Variants in RERE observed in about 807,000 individuals in gnomAD.
RERE encodes arginine-glutamic acid dipeptide repeats, also known as arginine-glutamic acid dipeptide repeats protein.
RERE carries 40 observed loss-of-function variants against 146.1 expected under a neutral mutation model. The ratio of observed to expected loss-of-function variants is 0.27; its 90% CI spans 0.21 to 0.36. The LOEUF is 0.36. RERE is among the 10% of genes least tolerant of loss of function. The pLI, the probability that RERE is intolerant of heterozygous loss-of-function variation, is 1.00. For synonymous variants in RERE, 1,003 were observed against 866.0 expected (o/e 1.16, Z -2.78); for missense variants, 1,933 against 2,138.7 (o/e 0.90, Z 1.90).
intron 1 of RERE, among the ~76,000 whole-genome samples, chr1:8,789,295 A>ATATATAT (rs1464137830): frequency 1.1e-4 from 8 of 72,494 alleles, no homozygotes; most frequent in East Asian, 3.1e-4. Flanking sequence ...AAAAAAAAAA[A>ATATATAT]AAAAAAATAT....
chr1:8,610,300 G>A (rs531599289), intron 4 of RERE, among the ~76,000 whole-genome samples: 2 of 152,062 alleles, frequency 1.3e-5, no homozygotes, highest in East Asian at 1.9e-4. Flanking sequence ...TAAGAATGAC[G>A]AGAATTTGGG....
chr1:8,500,738 C>T (rs1427712346), intron 8 of RERE, among the ~76,000 whole-genome samples: 3 of 151,614 alleles, frequency 2.0e-5, no homozygotes, highest in East Asian at 1.9e-4. Context: ...CGTCTCTGCC[C>T]GGCCGCCATC....
chr1:8,495,089 C>A lies in RERE; in HGVS notation c.1078G>T (p.Asp360Tyr). Residue 360 changes from aspartate (D) to tyrosine (Y), a missense_variant, in exon 10 of 23, where the codon GAC becomes TAC. Around this residue, in one of 11 missense-constraint regions of RERE, gnomAD observed 260 missense variants for 378.4 expected, o/e 0.69. Coordinates refer to ENST00000400908, the MANE Select transcript of RERE (RefSeq NM_001042681.2). ...EDGCVAASRD[D>Y]TTLNALNTLH... ...GTGTTCAGTGCATTCAGAGTGGTGT[C>A]ATCCCGAGAGGCTGCGACACAGCCG... 6.2e-7 allele frequency: 1 copy of A among 1,613,714 alleles called. No homozygotes were observed. Among genetic ancestry groups the A allele is most frequent in the Non-Finnish European group, 8.5e-7 (1 of 1,179,650 alleles).
At chr1:8,520,838 C>T (rs1244299716) in intron 7 of RERE, among the ~76,000 whole-genome samples, 1 of 150,802 alleles carries the variant, frequency 6.6e-6, no homozygotes, top group Non-Finnish European at 1.5e-5. Context: ...GCTCTCCTGA[C>T]CCAAGATGGT....
At chr1:8,476,589 G>A (rs1201215474) in intron 10 of RERE, among the ~76,000 whole-genome samples, 9 of 152,342 alleles carry the variant, frequency 5.9e-5, no homozygotes, top group Admixed American at 1.3e-4. Flanking sequence ...TGATGGGGAT[G>A]ACATTTGCTC....
At chr1:8,698,897 A>G (rs1639390997) in intron 1 of RERE, among the ~76,000 whole-genome samples, 1 of 152,014 alleles carries the variant, frequency 6.6e-6, no homozygotes, top group African/African-American at 2.4e-5. Flanking sequence ...TCTGATTAAT[A>G]CTCTAAAATT....
intron 16 of RERE, 55 bp from the exon 17 acceptor site, chr1:8,361,931 G>T: frequency 8.0e-7 from 1 of 1,250,372 alleles, no homozygotes. Context: ...CATCCCATCA[G>T]CCTCAGCAAG....
chr1:8,767,522 C>T (rs952424038), intron 1 of RERE, among the ~76,000 whole-genome samples: 2 of 151,388 alleles, frequency 1.3e-5, no homozygotes, highest in African/African-American at 4.9e-5. Flanking sequence ...AGGAGGATCA[C>T]TTGAACCAGT....
intron 2 of RERE, among the ~76,000 whole-genome samples, chr1:8,636,979 CG>C (rs1647109709): frequency 6.6e-6 from 1 of 152,098 alleles, no homozygotes; most frequent in African/African-American, 2.4e-5. Context: ...ATTTTTAAAT[CG>C]GCAAAATATT....
intron 2 of RERE, among the ~76,000 whole-genome samples, chr1:8,652,379 T>C (rs138604893): frequency 1.8e-4 from 28 of 152,328 alleles, no homozygotes; most frequent in African/African-American, 6.3e-4. Context: ...CACAAATACA[T>C]AGTTCTTGCC....
At chr1:8,501,935 TG>T (rs1332094336) in intron 8 of RERE, among the ~76,000 whole-genome samples, 6 of 13,676 alleles carry the variant, frequency 4.4e-4, no homozygotes, top group African/African-American at 6.4e-4. Context: ...GGGAGGGAGG[TG>T]GGGGGGATCA....
chr1:8,813,868 G>A (rs1192496694), intron 1 of RERE, among the ~76,000 whole-genome samples: 3 of 152,132 alleles, frequency 2.0e-5, no homozygotes, highest in Non-Finnish European at 4.4e-5. Flanking sequence ...ACTCGCCTTG[G>A]CCTCCCAAAG....
At chr1:8,599,825 A>G (rs1646600158) in intron 4 of RERE, among the ~76,000 whole-genome samples, 1 of 152,192 alleles carries the variant, frequency 6.6e-6, no homozygotes. Context: ...TTAATCACAG[A>G]GCCTTTTCTG....
intron 1 of RERE, among the ~76,000 whole-genome samples, chr1:8,704,524 C>T (rs898046041): frequency 7.2e-5 from 11 of 152,140 alleles, no homozygotes; most frequent in Non-Finnish European, 1.5e-4. Context: ...TATAAAGTGG[C>T]TGCATTATCA....
intron 10 of RERE, among the ~76,000 whole-genome samples, chr1:8,484,582 C>A (rs1452482735): frequency 6.6e-6 from 1 of 152,112 alleles, no homozygotes; most frequent in African/African-American, 2.4e-5. Flanking sequence ...ACCATCACGT[C>A]CAGCTAATTT....
intron 1 of RERE, among the ~76,000 whole-genome samples, chr1:8,680,711 C>T (rs1042206216): frequency 6.6e-6 from 1 of 152,160 alleles, no homozygotes; most frequent in Non-Finnish European, 1.5e-5. Context: ...AAAGAAAGCA[C>T]TCAGCTAGGA....
chr1:8,774,947 CTTTCTTTTT>C (rs1460971259), intron 1 of RERE, among the ~76,000 whole-genome samples: 5 of 111,498 alleles, frequency 4.5e-5, no homozygotes, highest in Non-Finnish European at 8.8e-5. Flanking sequence ...TTTCTTCTTT[CTTTCTTTTT>C]TTTTTTTTTT....
intron 1 of RERE, among the ~76,000 whole-genome samples, chr1:8,757,919 C>CACACAT (rs145125524): frequency 2.0e-5 from 3 of 150,638 alleles, no homozygotes; most frequent in Non-Finnish European, 4.4e-5. Context: ...CATACACACA[C>CACACAT]ACACACACAC....
Position 8,497,499 on chromosome 1 carries a change from A to G in RERE, c.910T>C (p.Ser304Pro), listed in dbSNP as rs1557658829. 7 of 1,614,114 alleles carry G rather than the reference A, an allele frequency of 4.3e-6. No homozygotes were observed. The East Asian group carries it at 8.9e-5, about 21-fold the overall frequency. ...TGGGTCACTGTATCACCATCTGGAG[A>G]AGGAAATGGTTGCAGATCTGGAAGT... ...AKLPDLQPFPSPDGDTVTQHE... is the reference protein window; with the variant it reads ...AKLPDLQPFPPPDGDTVTQHE... Residue 304 changes from serine to proline, a missense_variant, in exon 9 of 23, where the codon TCT becomes CCT. Physicochemically the swap from Ser to Pro is moderately conservative, Grantham distance 74. This residue lies in a region of RERE where 260 missense variants were observed against 378.4 expected (regional missense o/e 0.69). Coordinates refer to ENST00000400908, the MANE Select transcript of RERE (RefSeq NM_001042681.2).
Sources: allele counts gnomAD v4.1 joint callset (sites outside exome capture counted in the v4.1 genomes callset), GRCh38; gene constraint gnomAD v4.1.1; regional missense constraint gnomAD v4.1.1; transcripts MANE v1.5; gene names NCBI Gene and HGNC (gene_info 2026-07-23, HGNC 2026-07-21).